TCF12: variants seen among roughly 807,000 people sequenced by gnomAD.
TCF12 encodes the protein DNA-binding protein HTF4.
In TCF12, 45 loss-of-function variants were observed where a neutral mutation model predicts 86.0. That is an observed-to-expected ratio of 0.52 (90% CI 0.41 to 0.67). The LOEUF (loss-of-function observed/expected upper bound fraction) is 0.67. Among genes scored for constraint, TCF12 ranks in the 30% least tolerant of loss-of-function variants. The pLI is 0.00. For synonymous variants in TCF12, 330 were observed against 299.6 expected (o/e 1.10, Z -1.05); for missense variants, 881 against 859.9 (o/e 1.02, Z -0.31).
At chr15:57,190,454 G>T (rs1359789933) in intron 6 of TCF12, among the ~76,000 whole-genome samples, 2 of 152,088 alleles carry the variant, frequency 1.3e-5, no homozygotes. Flanking sequence ...TATGGTGATG[G>T]CAGTAAGGGG....
At chr15:57,103,532 A>G (rs1385479505) in intron 5 of TCF12, among the ~76,000 whole-genome samples, 1 of 152,208 alleles carries the variant, frequency 6.6e-6, no homozygotes, top group African/African-American at 2.4e-5. Context: ...TCCCAAACGC[A>G]CTTATGAAGA....
intron 3 of TCF12, among the ~76,000 whole-genome samples, chr15:57,010,624 G>C (rs1272184700): frequency 6.6e-6 from 1 of 152,076 alleles, no homozygotes; most frequent in African/African-American, 2.4e-5. Context: ...CTTTTTTCCT[G>C]CTCCTTAAAG....
chr15:56,983,836 C>T (rs1428375573), intron 3 of TCF12, among the ~76,000 whole-genome samples: 1 of 151,032 alleles, frequency 6.6e-6, no homozygotes, highest in East Asian at 1.9e-4. Context: ...TCCGTTTCTA[C>T]AAAAATAAAA....
chr15:57,098,403 A>G (rs762833556), intron 5 of TCF12, among the ~76,000 whole-genome samples: 1 of 152,032 alleles, frequency 6.6e-6, no homozygotes, highest in Non-Finnish European at 1.5e-5. Context: ...AACCAGTCTG[A>G]GTTGTTGAGT....
Position 57,286,510 on chromosome 15 carries a change from T to G in TCF12, c.*365T>G. ...GACAAATGCATTGTAACTACAAATT[T>G]TATTTATTGTTATGAAACTGTAAGG... On this transcript the variant is annotated 3_prime_UTR_variant, in exon 21 of 21. Coordinates refer to ENST00000333725, the MANE Select transcript of TCF12 (RefSeq NM_207037.2). The G allele has an allele frequency of 5.1e-6, 2 of 391,796 alleles. No homozygotes were observed. The highest frequency in any genetic ancestry group is 2.1e-5 in the African/African-American group (1 of 47,464). The allele number at this position is 391,796 out of a possible 1,614,324, so 24.3% of individuals were successfully genotyped here.
chr15:57,142,229 T>C (rs1339091789), intron 5 of TCF12, among the ~76,000 whole-genome samples: 2 of 152,074 alleles, frequency 1.3e-5, no homozygotes, highest in African/African-American at 2.4e-5. Flanking sequence ...ATTACAAATA[T>C]AGGAAGGAAC....
At chr15:56,946,905 C>CTA (rs2061026604) in intron 3 of TCF12, among the ~76,000 whole-genome samples, 1 of 145,582 alleles carries the variant, frequency 6.9e-6, no homozygotes, top group Non-Finnish European at 1.5e-5. Context: ...TCAAGCTATT[C>CTA]TCCTGCTTCA....
intron 13 of TCF12, among the ~76,000 whole-genome samples, chr15:57,246,481 A>G (rs945271466): frequency 5.9e-5 from 9 of 152,108 alleles, no homozygotes; most frequent in African/African-American, 1.9e-4. Context: ...CTCCTGCTCT[A>G]CTTTGCAGTT....
At chr15:57,223,377 A>G (rs571090778) in intron 8 of TCF12, among the ~76,000 whole-genome samples, 1 of 152,158 alleles carries the variant, frequency 6.6e-6, no homozygotes, top group East Asian at 1.9e-4. Context: ...TTGGATATGT[A>G]AAAATACATA....
chr15:57,264,363 G>A (rs1332671168), intron 18 of TCF12, among the ~76,000 whole-genome samples: 1 of 151,116 alleles, frequency 6.6e-6, no homozygotes, highest in African/African-American at 2.4e-5. Context: ...ACCACTCCAG[G>A]CTAATTTTTG....
chr15:56,983,453 A>G (rs1237854462), intron 3 of TCF12, among the ~76,000 whole-genome samples: 1 of 152,182 alleles, frequency 6.6e-6, no homozygotes, highest in African/African-American at 2.4e-5. Context: ...ATTACTGCAC[A>G]GTTCTTTAGC....
intron 16 of TCF12, among the ~76,000 whole-genome samples, chr15:57,259,360 AG>A (rs1273270373): frequency 3.9e-5 from 6 of 152,248 alleles, no homozygotes. Context: ...TTAAATCATT[AG>A]TATTCAGTGA....
Position 56,919,964 on chromosome 15 carries a change from G to A in TCF12, c.51G>A (p.Leu17=). ...CCGCTATAGGGACCGACAAGGAGCT[G>A]AGCGACCTACTGGACTTCAGTGCGG... The part of the protein sequence containing the change: ...RMAAIGTDKE[L]SDLLDFSAMF... Residue 17 remains leucine, a synonymous_variant, in exon 2 of 21, where the codon CTG becomes CTA. Transcript: ENST00000333725. The A allele has an allele frequency of 6.2e-7, 1 of 1,614,084 alleles. No homozygotes were observed. The highest frequency in any genetic ancestry group is 8.5e-7 in the Non-Finnish European group (1 of 1,180,004).
chr15:57,093,403 T>C (rs1394623560), intron 5 of TCF12, among the ~76,000 whole-genome samples: 1 of 152,194 alleles, frequency 6.6e-6, no homozygotes, highest in Non-Finnish European at 1.5e-5. Context: ...AACTAAGCTT[T>C]CTTAATTGAG....
At chr15:56,975,462 A>C (rs1480397471) in intron 3 of TCF12, among the ~76,000 whole-genome samples, 1 of 152,184 alleles carries the variant, frequency 6.6e-6, no homozygotes, top group Non-Finnish European at 1.5e-5. Context: ...ATGATTGTTA[A>C]TAACTAGCCA....
chr15:57,209,218 A>G (rs567148353), intron 8 of TCF12, among the ~76,000 whole-genome samples: 1 of 152,288 alleles, frequency 6.6e-6, no homozygotes, highest in Admixed American at 6.5e-5. Flanking sequence ...AACCTTCAAT[A>G]TGTTAACTGG....
chr15:57,169,689 A>AG (rs77557164), intron 6 of TCF12, among the ~76,000 whole-genome samples: 14,443 of 152,168 alleles, frequency 0.095, 1,556 homozygotes, highest in African/African-American at 0.27. Context: ...GCTAAACTTG[A>AG]GGGGGGAGAA....
At chr15:56,992,244 C>G (rs889673539) in intron 3 of TCF12, among the ~76,000 whole-genome samples, 9 of 152,110 alleles carry the variant, frequency 5.9e-5, no homozygotes, top group Non-Finnish European at 1.2e-4. Flanking sequence ...GTAGTCTAGC[C>G]TGGGTGACAG....
intron 4 of TCF12, among the ~76,000 whole-genome samples, chr15:57,067,642 G>C (rs1200203971): frequency 6.6e-6 from 1 of 151,498 alleles, no homozygotes; most frequent in East Asian, 1.9e-4. Context: ...GCATGTCTCA[G>C]CATGTTTGAG....
Sources: allele counts gnomAD v4.1 joint callset (sites outside exome capture counted in the v4.1 genomes callset), GRCh38; gene constraint gnomAD v4.1.1; transcripts MANE v1.5; gene names NCBI Gene and HGNC (gene_info 2026-07-23, HGNC 2026-07-21).